ADAMTSL3: variants seen among roughly 807,000 people sequenced by gnomAD.
ADAMTSL3 encodes the protein ADAMTS-like protein 3.
A neutral mutation model predicts 201.7 loss-of-function variants in ADAMTSL3; 128 were observed. That is an observed-to-expected ratio of 0.63 (90% CI 0.55 to 0.73). The LOEUF (loss-of-function observed/expected upper bound fraction) is 0.73. Ranked by LOEUF, ADAMTSL3 falls within the 30% of genes least tolerant of loss-of-function variation. The pLI is 0.00. For missense variants in ADAMTSL3, 1,990 were observed against 2,119.6 expected, an observed-to-expected ratio of 0.94 and a Z score of 1.20; for synonymous variants, 738 against 748.4, an observed-to-expected ratio of 0.99 and a Z score of 0.23.
intron 2 of ADAMTSL3, among the ~76,000 whole-genome samples, chr15:83,662,476 C>T (rs867229996): frequency 6.1e-5 from 9 of 146,702 alleles, no homozygotes; most frequent in Non-Finnish European, 8.9e-5. Flanking sequence ...TGCTAGATGA[C>T]GAGTTAGTGG....
intron 5 of ADAMTSL3, among the ~76,000 whole-genome samples, chr15:83,814,280 C>A (rs114422018): frequency 2.7e-3 from 407 of 152,306 alleles, no homozygotes; most frequent in African/African-American, 8.9e-3. Context: ...TGTCTCCAGA[C>A]TTCCAGGCCA....
At chr15:83,767,779 C>T (rs1227894656) in intron 3 of ADAMTSL3, among the ~76,000 whole-genome samples, 4 of 152,178 alleles carry the variant, frequency 2.6e-5, no homozygotes, top group Admixed American at 2.6e-4. Context: ...GGTATTATTT[C>T]ATATTTTTAT....
chr15:83,913,378 G>C lies in ADAMTSL3; in HGVS notation c.1987G>C (p.Gly663Arg). The C allele has an allele frequency of 6.2e-7, 1 of 1,612,206 alleles. No individual in the cohort carries two copies. Among genetic ancestry groups the C allele is most frequent in the South Asian group, 1.1e-5 (1 of 91,008 alleles). ...CCCTTGCACAGCAACATGCGTGGGA[G>C]GTATTTGAACCTTTGCTTAAGGGAC... ...FTPCTATCVG[G>R]HQEAIAVCLH... Residue 663 changes from glycine (G) to arginine (R), a missense_variant and splice_region_variant, in exon 16 of 30, where the codon GGC (glycine) becomes CGC (arginine). Physicochemically the swap from Gly to Arg is moderately radical, Grantham distance 125. Transcript: ENST00000286744.
At chr15:83,957,846 C>A (rs1191157497) in intron 19 of ADAMTSL3, among the ~76,000 whole-genome samples, 1 of 152,010 alleles carries the variant, frequency 6.6e-6, no homozygotes, top group Non-Finnish European at 1.5e-5. Context: ...GTAGTTGAAA[C>A]CATGGAAGAT....
chr15:83,986,871 G>A (rs553972924), intron 21 of ADAMTSL3, among the ~76,000 whole-genome samples: 2 of 152,278 alleles, frequency 1.3e-5, no homozygotes, highest in East Asian at 3.9e-4. Flanking sequence ...GTAAGATTAC[G>A]CAGCAGAGGC....
At chr15:83,856,060 A>G (rs1012129042) in intron 7 of ADAMTSL3, among the ~76,000 whole-genome samples, 4 of 147,036 alleles carry the variant, frequency 2.7e-5, no homozygotes, top group Non-Finnish European at 4.4e-5. Flanking sequence ...AGCATGATGA[A>G]TGCATTAATC....
At chr15:84,018,245 C>T (rs1180728499) in intron 25 of ADAMTSL3, among the ~76,000 whole-genome samples, 1 of 152,082 alleles carries the variant, frequency 6.6e-6, no homozygotes, top group African/African-American at 2.4e-5. Flanking sequence ...TATACAATCA[C>T]ACACACACAC....
chr15:83,657,670 C>G (rs539681281), intron 2 of ADAMTSL3, among the ~76,000 whole-genome samples: 18 of 152,380 alleles, frequency 1.2e-4, no homozygotes, highest in African/African-American at 4.3e-4. Context: ...TCTGCTGTTG[C>G]TGCTGCTTGT....
At chr15:83,877,608 C>T (rs1054660244) in intron 9 of ADAMTSL3, among the ~76,000 whole-genome samples, 9 of 152,088 alleles carry the variant, frequency 5.9e-5, no homozygotes, top group African/African-American at 2.2e-4. Flanking sequence ...TCATTGAAAT[C>T]AGCTTGTCTG....
chr15:83,744,919 G>A (rs2062519871), intron 3 of ADAMTSL3, among the ~76,000 whole-genome samples: 1 of 152,178 alleles, frequency 6.6e-6, no homozygotes, highest in South Asian at 2.1e-4. Context: ...GGCATAAGAG[G>A]GCGGGTCCCT....
intron 15 of ADAMTSL3, among the ~76,000 whole-genome samples, chr15:83,900,739 T>C (rs2065707396): frequency 6.6e-6 from 1 of 152,188 alleles, no homozygotes; most frequent in Non-Finnish European, 1.5e-5. Context: ...TGCAAGATCT[T>C]TTTCTTCTGA....
At position 83,897,853 on chromosome 15, in the gene ADAMTSL3, T is replaced by C. The variant is rs769848232; in HGVS notation, c.1468-5T>C. On this transcript the variant is annotated splice_region_variant and splice_polypyrimidine_tract_variant and intron_variant, in intron 13 of 29. Coordinates refer to ENST00000286744, the MANE Select transcript of ADAMTSL3 (RefSeq NM_207517.3). ...ATGCGTTGGCTTCTCTTTTCTTCTTTGAAGTGCACAGTGACTTGTGGCCGA... is the reference window on the plus strand; with the variant it reads ...ATGCGTTGGCTTCTCTTTTCTTCTTCGAAGTGCACAGTGACTTGTGGCCGA... 6.3e-7 allele frequency: 1 copy of C among 1,583,294 alleles called. No individual in the cohort carries two copies. The highest frequency in any genetic ancestry group is 1.8e-5 in the Admixed American group (1 of 55,224).
intron 6 of ADAMTSL3, among the ~76,000 whole-genome samples, chr15:83,829,501 A>G (rs1474205601): frequency 6.6e-6 from 1 of 152,032 alleles, no homozygotes. Flanking sequence ...TGATTTTTTG[A>G]AGGTTTTTTT....
intron 6 of ADAMTSL3, among the ~76,000 whole-genome samples, chr15:83,836,283 A>T (rs753981747): frequency 6.6e-6 from 1 of 152,198 alleles, no homozygotes; most frequent in Admixed American, 6.5e-5. Context: ...AAACTTTCTC[A>T]TATTGAACCA....
chr15:83,756,641 C>T (rs911835346), intron 3 of ADAMTSL3, among the ~76,000 whole-genome samples: 3 of 143,066 alleles, frequency 2.1e-5, no homozygotes, highest in African/African-American at 2.5e-5. Flanking sequence ...CAAAATCAAT[C>T]GTGCCTTCCC....
intron 19 of ADAMTSL3, among the ~76,000 whole-genome samples, chr15:83,943,310 T>C (rs2066598392): frequency 6.6e-6 from 1 of 152,170 alleles, no homozygotes; most frequent in Non-Finnish European, 1.5e-5. Context: ...TTCAAAGTGT[T>C]ATCATCATCA....
chr15:83,865,660 C>G (rs2064960103), intron 8 of ADAMTSL3, among the ~76,000 whole-genome samples: 1 of 152,126 alleles, frequency 6.6e-6, no homozygotes, highest in Non-Finnish European at 1.5e-5. Context: ...CATAAAAACC[C>G]TAGAAGAAAA....
intron 3 of ADAMTSL3, among the ~76,000 whole-genome samples, chr15:83,708,724 A>T (rs948930193): frequency 6.6e-6 from 1 of 152,250 alleles, no homozygotes; most frequent in African/African-American, 2.4e-5. Context: ...AAATAGTCTG[A>T]AACTACAAAT....
chr15:83,947,981 T>C (rs899497846), intron 19 of ADAMTSL3, among the ~76,000 whole-genome samples: 1 of 152,230 alleles, frequency 6.6e-6, no homozygotes, highest in Non-Finnish European at 1.5e-5. Context: ...CCAACACTTA[T>C]GATCATCTCT....
Sources: gnomAD v4.1 joint callset for allele counts (sites outside exome capture counted in the v4.1 genomes callset) on GRCh38, gnomAD v4.1.1 for gene constraint, MANE v1.5 for transcripts, NCBI Gene and HGNC (gene_info 2026-07-23, HGNC 2026-07-21) for gene names.